Variants in LOXL4 observed in about 807,000 individuals in gnomAD.
LOXL4 encodes the protein lysyl oxidase homolog 4.
Under a neutral mutation model 89.1 loss-of-function variants are expected in LOXL4, and 72 were observed. The observed-to-expected ratio is 0.81, with a 90% CI of 0.67 to 0.98. The LOEUF is 0.98. Ranked by LOEUF, LOXL4 falls within the 50% of genes least tolerant of loss-of-function variation. The pLI is 0.00. For synonymous variants in LOXL4, 355 were observed against 392.1 expected, an observed-to-expected ratio of 0.91 and a Z score of 1.12; for missense variants, 984 against 1,017.5, an observed-to-expected ratio of 0.97 and a Z score of 0.45.
At chr10:98,260,820 C>T in intron 4 of LOXL4, 102 bp downstream of exon 4, 2 of 1,261,738 alleles carry the variant, frequency 1.6e-6, no homozygotes, top group Admixed American at 2.0e-5. Context: ...CACACTCAGA[C>T]TCATGCACAC....
rs142993883 is a variant in LOXL4, at chr10:98,248,991, C to G, written c.2201G>C (p.Gly734Ala). 32 of 1,613,518 alleles carry G rather than the reference C, an allele frequency of 2.0e-5. No homozygotes were observed. In the African/African-American group the frequency reaches 4.1e-4, roughly 21 times the overall value. Reference protein sequence around the residue: ...HRVWLHNCHTGNSYPANAELS... With the variant: ...HRVWLHNCHTANSYPANAELS... ...TTCTGCATTGGCTGGGTATGAATTC[C>G]CTGTGGGCCAAAGGAAAACAGGTAA... The change falls in exon 15 of 15, where the codon GGG becomes GCG. Residue 734 changes from glycine to alanine, a missense_variant and splice_region_variant. Physicochemically the swap from Gly to Ala is moderately conservative, Grantham distance 60. Transcript: ENST00000260702.
At chr10:98,257,869 C>A in intron 7 of LOXL4, 65 bp from the exon 8 acceptor site, 1 of 1,581,198 alleles carries the variant, frequency 6.3e-7, no homozygotes, top group Non-Finnish European at 8.6e-7. Flanking sequence ...TGTGGCTTCC[C>A]CTTCACAGAG....
In LOXL4 at chr10:98,264,347, A is replaced by G. The variant is rs116448811; in HGVS notation, c.-32-1296T>C. Among the ~76,000 whole-genome samples, 233 of 146,408 alleles carry G rather than the reference A, an allele frequency of 1.6e-3. 1 individual carries two copies. Among genetic ancestry groups the G allele is most frequent in the African/African-American group, 5.8e-3 (227 of 39,190 alleles). ...AAGGGGCATTCGAGATACAGAGAAG[A>G]GGATTAGGAAAGAGGGAAAGAGGTG... On this transcript the variant is annotated intron_variant, in intron 1 of 14. Coordinates refer to ENST00000260702, the MANE Select transcript of LOXL4 (RefSeq NM_032211.7).
chr10:98,264,427 G>A (rs1858630566), intron 1 of LOXL4, among the ~76,000 whole-genome samples: 1 of 150,516 alleles, frequency 6.6e-6, no homozygotes, highest in Admixed American at 6.6e-5. Context: ...ACAGTGTGGG[G>A]GTTTGGAGGG....
chr10:98,267,304 C>CA (rs1194483055), intron 1 of LOXL4, among the ~76,000 whole-genome samples: 2 of 152,150 alleles, frequency 1.3e-5, no homozygotes, highest in East Asian at 3.9e-4. Context: ...GGGCACTGGG[C>CA]AGGGTGCTCT....
chr10:98,251,159 G>A lies in LOXL4; in HGVS notation c.2106C>T (p.His702=), dbSNP rs1858181647. 1 of 1,613,494 alleles carries A rather than the reference G, an allele frequency of 6.2e-7. No homozygotes were observed. The highest frequency in any genetic ancestry group is 2.2e-5 in the East Asian group (1 of 44,902). ...NYIFQVIVNP[H]YEVAESDFSN... ...AGAAATCTGACTCTGCCACTTCATA[G>A]TGGGGGTTCACAATCACCTAGAGTG... Residue 702 remains histidine, a synonymous_variant, in exon 14 of 15, where the codon CAC becomes CAT. Transcript: ENST00000260702.
Position 98,256,944 on chromosome 10 carries a change from G to T in LOXL4, c.1264C>A (p.Arg422Ser). The change falls in exon 9 of 15, where the codon CGC becomes AGC. Residue 422 changes from arginine (R) to serine (S), a missense_variant. Physicochemically the swap from Arg to Ser is moderately radical, Grantham distance 110. Transcript: ENST00000260702. ...TCAGGGATACGCCCACCAGCCAAGC[G>T]CACCTGCAATGGCGAGGGGTGTGTG... ...VPNMGFQNQVRLAGGRIPEEG... is the reference protein window; with the variant it reads ...VPNMGFQNQVSLAGGRIPEEG... 6.2e-7 allele frequency: 1 copy of T among 1,613,868 alleles called. No individual in the cohort carries two copies. The highest frequency in any genetic ancestry group is 8.5e-7 in the Non-Finnish European group (1 of 1,179,898).
rs11189525 is a variant in LOXL4, at chr10:98,257,796, G to T, written c.1114C>A (p.Pro372Thr). 1.4e-4 allele frequency: 218 copies of T among 1,612,132 alleles called. 1 individual carries two copies. In the East Asian group the frequency reaches 4.3e-3, roughly 32 times the overall value. Residue 372 changes from proline (P) to threonine (T), a missense_variant, in exon 8 of 15, where the codon CCC (proline) becomes ACC (threonine). Pro to Thr is a conservative substitution (Grantham distance 38). Coordinates refer to ENST00000260702, the MANE Select transcript of LOXL4 (RefSeq NM_032211.7). ...FGARLGQGLGPIHLSEVRCRG... is the reference protein window; with the variant it reads ...FGARLGQGLGTIHLSEVRCRG... ...CAGCGCACCTCACTCAGGTGGATGG[G>T]CCCTAGCCCTAGATGGGGAGAGAGG... is the stretch of plus-strand genomic sequence containing the variant.
At chr10:98,254,292 C>T (rs1858294680) in intron 10 of LOXL4, among the ~76,000 whole-genome samples, 1 of 152,204 alleles carries the variant, frequency 6.6e-6, no homozygotes, top group Non-Finnish European at 1.5e-5. Flanking sequence ...CTGCTGATAC[C>T]TAACCTGGAT....
rs754285906 is a variant in LOXL4 at position 98,262,847 on chromosome 10, C to T, written c.173G>A (p.Cys58Tyr). 1.9e-5 allele frequency: 30 copies of T among 1,613,776 alleles called. No homozygotes were observed. The highest frequency in any genetic ancestry group is 2.5e-5 in the Non-Finnish European group (30 of 1,180,044). Reference protein sequence around the residue: ...VLHQGQWGTVCDDNFAIQEAT... With the variant: ...VLHQGQWGTVYDDNFAIQEAT... ...CTCCTGGATAGCAAAGTTGTCATCA[C>T]ACACGGTGCCCCACTGGCCCTGGTG... is the stretch of plus-strand genomic sequence containing the variant. The change falls in exon 2 of 15, where the codon TGT becomes TAT. Residue 58 changes from cysteine to tyrosine, a missense_variant. Coordinates refer to ENST00000260702, the MANE Select transcript of LOXL4 (RefSeq NM_032211.7).
chr10:98,256,982 G>A, intron 8 of LOXL4, 35 bp from the exon 9 acceptor site: 1 of 1,603,440 alleles, frequency 6.2e-7, no homozygotes, highest in Non-Finnish European at 8.5e-7. Context: ...GAGTGGGGTA[G>A]CCTTGCAGGG....
At chr10:98,258,909 C>G in intron 6 of LOXL4, 100 bp downstream of exon 6, 1 of 874,692 alleles carries the variant, frequency 1.1e-6, no homozygotes, top group East Asian at 2.7e-5. Flanking sequence ...AGTCTGGTTC[C>G]TCTCTCCTGC....
chr10:98,252,074 G>T (rs937274629), intron 12 of LOXL4: 4 of 492,504 alleles, frequency 8.1e-6, no homozygotes, highest in East Asian at 7.4e-5. Flanking sequence ...CTTGCCCTCG[G>T]AGAGCTCAGC....
At chr10:98,261,227 C>A in intron 3 of LOXL4, 100 bp from the exon 4 acceptor site, 1 of 1,266,202 alleles carries the variant, frequency 7.9e-7, no homozygotes, top group South Asian at 1.3e-5. Flanking sequence ...TGGAGCTTTT[C>A]GAGACCATCC....
chr10:98,257,548 C>G (rs757303022), intron 8 of LOXL4, 102 bp downstream of exon 8: 2 of 1,380,950 alleles, frequency 1.4e-6, no homozygotes, highest in Non-Finnish European at 2.0e-6. Flanking sequence ...AAGCGCTAGC[C>G]GCTCCTCCTG....
intron 8 of LOXL4, 107 bp downstream of exon 8, chr10:98,257,539 AGCGC>A: frequency 7.6e-7 from 1 of 1,317,288 alleles, no homozygotes; most frequent in Non-Finnish European, 1.0e-6. Context: ...CCAAAGCAGA[AGCGC>A]TAGCCGCTCC....
At position 98,248,286 on chromosome 10, in the gene LOXL4, C is replaced by T. The variant is rs1858095388; in HGVS notation, c.*635G>A. On this transcript the variant is annotated 3_prime_UTR_variant, in exon 15 of 15. Coordinates refer to ENST00000260702, the MANE Select transcript of LOXL4 (RefSeq NM_032211.7). ...TCCGTAACTGTTGGTGTTGGCCCAT[C>T]AGGCAATAAGGGGATGCCCGAGGTC... 1 of 152,276 alleles carries T rather than the reference C, an allele frequency of 6.6e-6. No homozygotes were observed. The highest frequency in any genetic ancestry group is 2.1e-4 in the South Asian group (1 of 4,818). 9.4% of individuals were successfully genotyped at this position (152,276 alleles called of 1,614,324 possible). A position where few individuals can be genotyped will look rare whatever the true frequency, so the allele number is the denominator to read the frequency against.
chr10:98,263,875 C>A (rs147182056), intron 1 of LOXL4, among the ~76,000 whole-genome samples: 2 of 151,788 alleles, frequency 1.3e-5, no homozygotes, highest in African/African-American at 4.8e-5. Flanking sequence ...GGATTACAGG[C>A]GCCCACCACC....
In LOXL4 at chr10:98,257,502, C is replaced by T. The variant is rs976082660; in HGVS notation, c.1260+148G>A. 26 of 925,828 alleles carry T rather than the reference C, an allele frequency of 2.8e-5. No homozygotes were observed. In the African/African-American group the frequency reaches 3.2e-4, roughly 11 times the overall value. The allele number at this position is 925,828 out of a possible 1,614,324, so 57.4% of individuals were successfully genotyped here. A position where few individuals can be genotyped will look rare whatever the true frequency, so the allele number is the denominator to read the frequency against. On this transcript the variant is annotated intron_variant, in intron 8 of 14. Transcript: ENST00000260702. ...CATTTCGGAGGGGCTGCAGCCAGGT[C>T]GGCTCTAAGGGAAGGCAGACTGGTG...
Sources: gnomAD v4.1 joint callset for allele counts (sites outside exome capture counted in the v4.1 genomes callset) on GRCh38, gnomAD v4.1.1 for gene constraint, MANE v1.5 for transcripts, NCBI Gene and HGNC (gene_info 2026-07-23, HGNC 2026-07-21) for gene names.